Variants in CSMD2 observed in about 807,000 individuals in gnomAD.
CSMD2 encodes CUB and Sushi multiple domains 2.
Under a neutral mutation model 398.5 loss-of-function variants are expected in CSMD2, and 130 were observed. The observed-to-expected ratio is 0.33, with a 90% confidence interval of 0.28 to 0.38. CSMD2 has a LOEUF of 0.38. Among genes scored for constraint, CSMD2 ranks in the 10% least tolerant of loss-of-function variants. CSMD2 has a pLI of 1.00. For synonymous variants in CSMD2, 1,828 were observed against 1,908.5 expected (o/e 0.96, Z 1.10); for missense variants, 3,829 against 4,764.9 (o/e 0.80, Z 5.78).
chr1:33,754,466 C>T (rs1383614657), intron 13 of CSMD2, among the ~76,000 whole-genome samples: 2 of 152,186 alleles, frequency 1.3e-5, no homozygotes, highest in Non-Finnish European at 2.9e-5. Flanking sequence ...CATGCCTGTA[C>T]AGCCTGCAGA....
At chr1:33,749,999 A>C (rs565438264) in intron 13 of CSMD2, among the ~76,000 whole-genome samples, 16 of 152,348 alleles carry the variant, frequency 1.1e-4, no homozygotes, top group African/African-American at 3.8e-4. Context: ...CAGTATAGAA[A>C]ATCCTTCATG....
Position 33,792,442 on chromosome 1 carries a change from G to T in CSMD2, c.1531C>A (p.Gln511Lys). ...ACTTACATGTAGAGAACTGTCTTCT[G>T]GTCCCCATCCTGACCACCATCACCG... is the stretch of plus-strand genomic sequence containing the variant. ...TVGDGGQDGDQKTVLYILTGT... is the reference protein window; with the variant it reads ...TVGDGGQDGDKKTVLYILTGT... The change falls in exon 11 of 71, where the codon CAG (glutamine) becomes AAG (lysine). Residue 511 changes from glutamine to lysine, a missense_variant. Coordinates refer to ENST00000373381, the MANE Select transcript of CSMD2 (RefSeq NM_001281956.2). 2 of 1,613,236 alleles carry T rather than the reference G, an allele frequency of 1.2e-6. No individual in the cohort carries two copies. The highest frequency in any genetic ancestry group is 1.7e-4 in the Middle Eastern group (1 of 6,060).
At chr1:33,788,227 G>T (rs532244559) in intron 12 of CSMD2, among the ~76,000 whole-genome samples, 1 of 152,224 alleles carries the variant, frequency 6.6e-6, no homozygotes, top group Admixed American at 6.5e-5. Context: ...GGATCCCGTG[G>T]CCGGGCATGG....
At chr1:33,812,463 A>C (rs1314140226) in intron 9 of CSMD2, among the ~76,000 whole-genome samples, 1 of 152,238 alleles carries the variant, frequency 6.6e-6, no homozygotes, top group Non-Finnish European at 1.5e-5. Flanking sequence ...CCCCCACTCC[A>C]TTCCCCCATG....
rs77618833 is a variant in CSMD2 at position 34,098,179 on chromosome 1, C to T, written c.188-8986G>A. 2.0e-4 allele frequency among the ~76,000 whole-genome samples: 26 copies of T among 127,532 alleles called. No homozygotes were observed. In the Middle Eastern group the frequency reaches 0.011, roughly 56 times the overall value. The allele number at this position is 127,532 out of a possible 152,430, so 83.7% of individuals were successfully genotyped here. On this transcript the variant is annotated intron_variant, in intron 1 of 70. Coordinates refer to ENST00000373381, the MANE Select transcript of CSMD2 (RefSeq NM_001281956.2). ...ATCACAAGAACAAAAAACCAAACAC[C>T]GCATATTCTCACTCATAGGTGGGAA...
chr1:33,676,229 TCTC>T (rs1487400744), intron 25 of CSMD2, among the ~76,000 whole-genome samples: 11 of 152,130 alleles, frequency 7.2e-5, no homozygotes, highest in African/African-American at 2.7e-4. Context: ...CAGCCCAAAA[TCTC>T]CTTAAGCTGA....
intron 13 of CSMD2, among the ~76,000 whole-genome samples, chr1:33,768,536 A>ATGTGTGTGTG (rs60273744): frequency 4.0e-4 from 57 of 142,250 alleles, no homozygotes; most frequent in Admixed American, 2.2e-3. Flanking sequence ...GTGTGCGTGC[A>ATGTGTGTGTG]TGTGTGTGTG....
At chr1:33,587,204 C>T (rs1639147018) in intron 44 of CSMD2, 36 bp from the exon 45 acceptor site, 5 of 1,433,366 alleles carry the variant, frequency 3.5e-6, no homozygotes, top group Non-Finnish European at 4.8e-6. Context: ...AGGGTAAGAT[C>T]ATCATTCTCC....
At chr1:34,030,828 A>C (rs1217474995) in intron 3 of CSMD2, among the ~76,000 whole-genome samples, 1 of 152,212 alleles carries the variant, frequency 6.6e-6, no homozygotes, top group African/African-American at 2.4e-5. Flanking sequence ...AGTCACTCCC[A>C]GCATCTTTGC....
intron 55 of CSMD2, among the ~76,000 whole-genome samples, chr1:33,556,206 G>A (rs1161325642): frequency 2.6e-5 from 4 of 152,158 alleles, no homozygotes; most frequent in Non-Finnish European, 5.9e-5. Flanking sequence ...AAAACAATTT[G>A]AGTCCACTAG....
At chr1:33,684,575 G>A (rs571905933) in intron 25 of CSMD2, among the ~76,000 whole-genome samples, 2 of 152,288 alleles carry the variant, frequency 1.3e-5, no homozygotes, top group African/African-American at 4.8e-5. Flanking sequence ...GTGCTCCTAG[G>A]CTCCTCCCTG....
chr1:33,843,287 C>T (rs1431934732), intron 6 of CSMD2, among the ~76,000 whole-genome samples: 1 of 152,202 alleles, frequency 6.6e-6, no homozygotes, highest in Non-Finnish European at 1.5e-5. Context: ...GAACTCAGGC[C>T]TTCTGATACC....
At chr1:33,864,618 G>A (rs371538613) in intron 5 of CSMD2, 114 of 1,613,868 alleles carry the variant, frequency 7.1e-5, no homozygotes, top group Non-Finnish European at 9.5e-5. Flanking sequence ...GCACCCTTAT[G>A]AGCAAAGAGT....
chr1:34,150,086 T>C (rs372959337), intron 1 of CSMD2, among the ~76,000 whole-genome samples: 2 of 139,950 alleles, frequency 1.4e-5, no homozygotes, highest in Non-Finnish European at 3.1e-5. Flanking sequence ...TTTCTTTTTT[T>C]TTTGTTTTTT....
At chr1:33,847,873 CAAAAGAAGA>C (rs1638391535) in intron 5 of CSMD2, among the ~76,000 whole-genome samples, 1 of 152,126 alleles carries the variant, frequency 6.6e-6, no homozygotes, top group African/African-American at 2.4e-5. Flanking sequence ...AGATAATACA[CAAAAGAAGA>C]TCTCAGCACA....
intron 3 of CSMD2, among the ~76,000 whole-genome samples, chr1:33,958,400 C>T (rs908629519): frequency 2.6e-5 from 4 of 152,268 alleles, no homozygotes; most frequent in African/African-American, 9.6e-5. Flanking sequence ...CTCCACAATC[C>T]CCTCCCTTTG....
chr1:33,522,800 A>G (rs1654431027), intron 67 of CSMD2, among the ~76,000 whole-genome samples: 1 of 152,254 alleles, frequency 6.6e-6, no homozygotes, highest in African/African-American at 2.4e-5. Flanking sequence ...CTGGAGATCC[A>G]GCTTCCACCT....
At chr1:33,528,284 T>C (rs1654959598) in intron 64 of CSMD2, among the ~76,000 whole-genome samples, 2 of 152,252 alleles carry the variant, frequency 1.3e-5, no homozygotes, top group African/African-American at 4.8e-5. Flanking sequence ...AGGTCTATGC[T>C]GAATAAATGA....
intron 43 of CSMD2, 147 bp from the exon 44 acceptor site, chr1:33,601,157 A>C (rs1570897894): frequency 1.0e-6 from 1 of 993,816 alleles, no homozygotes; most frequent in Non-Finnish European, 1.5e-6. Context: ...TGCCCTAAAT[A>C]CCTCTCCCAA....
Sources: allele counts gnomAD v4.1 joint callset (sites outside exome capture counted in the v4.1 genomes callset), GRCh38; gene constraint gnomAD v4.1.1; transcripts MANE v1.5; gene names NCBI Gene and HGNC (gene_info 2026-07-23, HGNC 2026-07-21).